Variants in ADGRL3 observed in about 807,000 individuals in gnomAD.
ADGRL3 encodes the protein adhesion G protein-coupled receptor L3.
A neutral mutation model predicts 153.5 loss-of-function variants in ADGRL3; 62 were observed. The observed-to-expected ratio is 0.40, with a 90% CI of 0.33 to 0.50. The LOEUF is 0.50. ADGRL3 is among the 20% of genes least tolerant of loss of function. The pLI is 0.47. For missense variants in ADGRL3, 1,641 were observed against 1,859.4 expected, an observed-to-expected ratio of 0.88 and a Z score of 2.16; for synonymous variants, 710 against 672.5, an observed-to-expected ratio of 1.06 and a Z score of -0.86.
chr4:61,611,727 T>A (rs1366724745), intron 5 of ADGRL3, among the ~76,000 whole-genome samples: 2 of 151,908 alleles, frequency 1.3e-5, no homozygotes, highest in Non-Finnish European at 2.9e-5. Flanking sequence ...TCAAGACCAG[T>A]CTGGGTAATA....
rs1746372032 is a variant in ADGRL3 at position 62,073,852 on chromosome 4, A to G, written c.*2944A>G. On this transcript the variant is annotated 3_prime_UTR_variant, in exon 27 of 27. Coordinates refer to ENST00000683033, the MANE Select transcript of ADGRL3 (RefSeq NM_001387552.1). ...TCATAAATGGCATGCTTTCAGAGAG[A>G]CTTAAGATCCCAAAGATTATAACAG... 6.6e-6 allele frequency: 1 copy of G among 152,098 alleles called. No homozygotes were observed. Among genetic ancestry groups the G allele is most frequent in the African/African-American group, 2.4e-5 (1 of 41,434 alleles). 9.4% of individuals were successfully genotyped at this position (152,098 alleles called of 1,614,324 possible).
chr4:61,934,641 G>A (rs750945789), intron 13 of ADGRL3, among the ~76,000 whole-genome samples, 199 bp from the exon 14 acceptor site: 7 of 152,150 alleles, frequency 4.6e-5, no homozygotes, highest in East Asian at 1.9e-4. Context: ...TTCCTCTTGC[G>A]TTGCAAAGTC....
At chr4:61,529,072 T>A (rs1475490422) in intron 4 of ADGRL3, among the ~76,000 whole-genome samples, 1 of 152,180 alleles carries the variant, frequency 6.6e-6, no homozygotes, top group African/African-American at 2.4e-5. Flanking sequence ...AATCTGGAAG[T>A]GATATGATCT....
chr4:61,593,064 A>G lies in ADGRL3; in HGVS notation c.473+5624A>G, dbSNP rs944194836. On this transcript the variant is annotated intron_variant, in intron 5 of 26. Coordinates refer to ENST00000683033, the MANE Select transcript of ADGRL3 (RefSeq NM_001387552.1). ...TACAAACACTATCTTATAACCCACT[A>G]TTTAAACCGATGACAACTTAACACT... is the stretch of plus-strand genomic sequence containing the variant. 7.2e-5 allele frequency among the ~76,000 whole-genome samples: 11 copies of G among 152,168 alleles called. 1 individual carries two copies. Among genetic ancestry groups the G allele is most frequent in the Non-Finnish European group, 5.9e-5 (4 of 68,012 alleles).
At chr4:61,543,381 A>G (rs1459438418) in intron 4 of ADGRL3, among the ~76,000 whole-genome samples, 2 of 152,104 alleles carry the variant, frequency 1.3e-5, no homozygotes, top group Non-Finnish European at 2.9e-5. Context: ...AGGAGATGCA[A>G]TGTTTGCCAT....
chr4:61,625,580 A>T (rs527825135), intron 5 of ADGRL3, among the ~76,000 whole-genome samples: 1 of 152,052 alleles, frequency 6.6e-6, no homozygotes, highest in Admixed American at 6.6e-5. Context: ...TATTAATTTG[A>T]GTATTTTTGA....
chr4:61,352,560 T>A (rs2096071553), intron 1 of ADGRL3, among the ~76,000 whole-genome samples: 1 of 151,994 alleles, frequency 6.6e-6, no homozygotes, highest in South Asian at 2.1e-4. Flanking sequence ...AATTTTTGCA[T>A]TTTTAGTAGA....
At chr4:61,403,836 C>A (rs2096960305) in intron 2 of ADGRL3, among the ~76,000 whole-genome samples, 1 of 151,972 alleles carries the variant, frequency 6.6e-6, no homozygotes, top group African/African-American at 2.4e-5. Flanking sequence ...CAGCTGGTAC[C>A]TGGAGAGCTG....
At chr4:61,908,334 T>C (rs1416140871) in intron 11 of ADGRL3, among the ~76,000 whole-genome samples, 1 of 152,104 alleles carries the variant, frequency 6.6e-6, no homozygotes, top group Non-Finnish European at 1.5e-5. Flanking sequence ...TAGTGGCTCA[T>C]GCCTGTAATC....
chr4:61,412,449 A>G (rs1178321552), intron 2 of ADGRL3, among the ~76,000 whole-genome samples: 1 of 152,170 alleles, frequency 6.6e-6, no homozygotes, highest in Non-Finnish European at 1.5e-5. Context: ...AAATCCTATG[A>G]AAAAGGCAGG....
At chr4:61,595,375 G>A (rs997171001) in intron 5 of ADGRL3, among the ~76,000 whole-genome samples, 4 of 152,064 alleles carry the variant, frequency 2.6e-5, no homozygotes, top group Admixed American at 2.0e-4. Flanking sequence ...TAGTCAGCAG[G>A]TAATAAGTCC....
chr4:62,065,714 T>G (rs1046671775), intron 25 of ADGRL3, among the ~76,000 whole-genome samples: 2 of 152,038 alleles, frequency 1.3e-5, no homozygotes, highest in Non-Finnish European at 2.9e-5. Context: ...AATGAAAAAG[T>G]AAAACTGATT....
At chr4:61,334,208 C>T (rs185087827) in intron 1 of ADGRL3, among the ~76,000 whole-genome samples, 45 of 152,286 alleles carry the variant, frequency 3.0e-4, no homozygotes, top group East Asian at 1.5e-3. Context: ...TAAGCCACCG[C>T]GCCCAGCCAA....
chr4:61,907,241 A>G (rs545799881), intron 11 of ADGRL3, among the ~76,000 whole-genome samples: 1 of 151,966 alleles, frequency 6.6e-6, no homozygotes, highest in South Asian at 2.1e-4. Context: ...ATGCTTGTAT[A>G]TATTTTTTCT....
intron 17 of ADGRL3, among the ~76,000 whole-genome samples, chr4:61,974,626 G>A (rs1033961101): frequency 1.3e-5 from 2 of 152,088 alleles, no homozygotes; most frequent in South Asian, 2.1e-4. Context: ...TGTGGATAAG[G>A]CTTCTGATAC....
chr4:61,900,621 G>T (rs2149703869), intron 11 of ADGRL3, among the ~76,000 whole-genome samples: 1 of 152,196 alleles, frequency 6.6e-6, no homozygotes, highest in South Asian at 2.1e-4. Context: ...CCAGCAATGA[G>T]ATAGAGAAAA....
chr4:61,865,167 T>A (rs1221707936), intron 9 of ADGRL3, among the ~76,000 whole-genome samples: 1 of 152,152 alleles, frequency 6.6e-6, no homozygotes, highest in East Asian at 1.9e-4. Flanking sequence ...TCATAATCAA[T>A]TTTCTGTGGA....
intron 13 of ADGRL3, among the ~76,000 whole-genome samples, chr4:61,913,430 C>T (rs1164141519): frequency 6.6e-6 from 1 of 151,858 alleles, no homozygotes; most frequent in Non-Finnish European, 1.5e-5. Context: ...AGGAAAGAAA[C>T]AAAGAAGGCA....
intron 3 of ADGRL3, among the ~76,000 whole-genome samples, chr4:61,504,146 C>G (rs1341502372): frequency 6.6e-6 from 1 of 152,142 alleles, no homozygotes; most frequent in African/African-American, 2.4e-5. Context: ...GCATGCGCCA[C>G]CACACCTGGC....
Sources: gnomAD v4.1 joint callset for allele counts (sites outside exome capture counted in the v4.1 genomes callset) on GRCh38, gnomAD v4.1.1 for gene constraint, MANE v1.5 for transcripts, NCBI Gene and HGNC (gene_info 2026-07-23, HGNC 2026-07-21) for gene names.